The following ADGRD1 variants were observed in gnomAD, a reference collection of about 807,000 sequenced individuals.
ADGRD1 encodes the protein G-protein coupled receptor 133.
ADGRD1 carries 77 observed loss-of-function variants against 113.4 expected under a neutral mutation model. The observed-to-expected ratio is 0.68, with a 90% CI of 0.57 to 0.82. ADGRD1 has a LOEUF of 0.82. Ranked by LOEUF, ADGRD1 falls within the 40% of genes least tolerant of loss-of-function variation. The pLI is 0.00. For synonymous variants in ADGRD1, 474 were observed against 475.0 expected (o/e 1.00, Z 0.03); for missense variants, 1,036 against 1,139.1 (o/e 0.91, Z 1.30).
At chr12:130,993,069 CA>C (rs1225918423) in intron 8 of ADGRD1, among the ~76,000 whole-genome samples, 1 of 152,162 alleles carries the variant, frequency 6.6e-6, no homozygotes, top group African/African-American at 2.4e-5. Flanking sequence ...CTTTGATCTG[CA>C]GTTACTCTGT....
intron 13 of ADGRD1, among the ~76,000 whole-genome samples, chr12:131,021,216 T>A (rs1879275090): frequency 2.0e-5 from 3 of 152,198 alleles, no homozygotes. Context: ...GACACTGATA[T>A]TAACGACAGA....
intron 14 of ADGRD1, among the ~76,000 whole-genome samples, chr12:131,081,010 C>T (rs1886030707): frequency 6.6e-6 from 1 of 152,124 alleles, no homozygotes; most frequent in Non-Finnish European, 1.5e-5. Context: ...GGAAGATTAG[C>T]CCTTTTATCA....
At chr12:131,021,481 G>A (rs1439716001) in intron 13 of ADGRD1, among the ~76,000 whole-genome samples, 1 of 152,186 alleles carries the variant, frequency 6.6e-6, no homozygotes, top group African/African-American at 2.4e-5. Flanking sequence ...AAGAACGCCA[G>A]GGAAGTGAAA....
At chr12:131,070,062 C>T (rs2137128536) in intron 13 of ADGRD1, 1 of 152,334 alleles carries the variant, frequency 6.6e-6, no homozygotes, top group South Asian at 2.1e-4. Flanking sequence ...AAAGGCCTGT[C>T]CGTGTGCAGG....
At position 130,954,139 on chromosome 12, in the gene ADGRD1, C is replaced by T. The variant is rs535194740; in HGVS notation, c.-327C>T. ...GGACAAACAGCCTCCCGTCCCCGGG[C>T]GCAGGTCGCGGTCACAGTGGTGACC... On this transcript the variant is annotated 5_prime_UTR_variant, in exon 1 of 25. Coordinates refer to ENST00000261654, the MANE Select transcript of ADGRD1 (RefSeq NM_198827.5). The surrounding 1 kb of genome is among the most constrained non-coding windows in gnomAD (Gnocchi z 4.7). 9.6e-6 allele frequency: 3 copies of T among 313,726 alleles called. No individual in the cohort carries two copies. Among genetic ancestry groups the T allele is most frequent in the East Asian group, 1.1e-4 (2 of 18,870 alleles). 19.4% of individuals were successfully genotyped at this position (313,726 alleles called of 1,614,324 possible).
chr12:131,002,566 C>T, intron 9 of ADGRD1: 1 of 1,035,452 alleles, frequency 9.7e-7, no homozygotes, highest in Non-Finnish European at 1.2e-6. Context: ...TTAAGAGAGG[C>T]CTCTCCCCTG....
At chr12:131,086,681 G>A (rs912289187) in intron 15 of ADGRD1, among the ~76,000 whole-genome samples, 1 of 152,208 alleles carries the variant, frequency 6.6e-6, no homozygotes, top group African/African-American at 2.4e-5. Flanking sequence ...AAAGACGCAC[G>A]TGGCACCTGC....
intron 4 of ADGRD1, among the ~76,000 whole-genome samples, chr12:130,974,633 C>G (rs1872090747): frequency 6.6e-6 from 1 of 151,952 alleles, no homozygotes; most frequent in Admixed American, 6.5e-5. Context: ...CTCTCCAGCC[C>G]CTGCCTAACA....
chr12:131,090,829 C>T (rs1886858770), intron 15 of ADGRD1, among the ~76,000 whole-genome samples: 2 of 152,192 alleles, frequency 1.3e-5, no homozygotes, highest in Non-Finnish European at 2.9e-5. Context: ...AATCTGTGGG[C>T]AAAGGGCACA....
chr12:131,066,407 G>A (rs1884723146), intron 13 of ADGRD1, among the ~76,000 whole-genome samples: 2 of 152,194 alleles, frequency 1.3e-5, no homozygotes, highest in South Asian at 4.1e-4. Flanking sequence ...CTTCCAGGCT[G>A]TGGGGCGGTG....
intron 13 of ADGRD1, among the ~76,000 whole-genome samples, chr12:131,063,832 T>A (rs1022182467): frequency 6.6e-6 from 1 of 152,242 alleles, no homozygotes; most frequent in Non-Finnish European, 1.5e-5. Flanking sequence ...AAATTCTTGC[T>A]GGGATGACTA....
Position 130,954,074 on chromosome 12 carries a change from A to C in ADGRD1, c.-392A>C. On this transcript the variant is annotated 5_prime_UTR_variant, in exon 1 of 25. Coordinates refer to ENST00000261654, the MANE Select transcript of ADGRD1 (RefSeq NM_198827.5). This position sits in a 1 kb window ranked among gnomAD's most constrained non-coding sequence, Gnocchi z 4.7. Reference sequence around the variant, plus strand: ...AAAAGGGAAGCTCCAAACCTGACTGAGACAAACGGAGGCTCTTGAAATAAA... The same window carrying C: ...AAAAGGGAAGCTCCAAACCTGACTGCGACAAACGGAGGCTCTTGAAATAAA... 5.7e-6 allele frequency: 1 copy of C among 175,620 alleles called. No homozygotes were observed. Among genetic ancestry groups the C allele is most frequent in the African/African-American group, 2.3e-5 (1 of 42,584 alleles). The allele number at this position is 175,620 out of a possible 1,614,324, so 10.9% of individuals were successfully genotyped here. A position where few individuals can be genotyped will look rare whatever the true frequency, so the allele number is the denominator to read the frequency against.
At chr12:131,108,065 G>C (rs1461172432) in intron 17 of ADGRD1, among the ~76,000 whole-genome samples, 1 of 152,148 alleles carries the variant, frequency 6.6e-6, no homozygotes, top group African/African-American at 2.4e-5. Context: ...AACTCTCTCC[G>C]TCCTGGGCAC....
chr12:130,992,269 C>T lies in ADGRD1; in HGVS notation c.843C>T (p.Thr281=). 3 of 1,613,628 alleles carry T rather than the reference C, an allele frequency of 1.9e-6. No individual in the cohort carries two copies. The highest frequency in any genetic ancestry group is 2.2e-5 in the South Asian group (2 of 90,984). ...MPTDAYHPII[T]NLTEERKTFQ... is the part of the protein sequence containing the mutation. ...CAGATGCCTACCATCCCATCATAACCAACCTGACAGAAGAGAGAAAAACCT... is the reference window on the plus strand; with the variant it reads ...CAGATGCCTACCATCCCATCATAACTAACCTGACAGAAGAGAGAAAAACCT... The change falls in exon 8 of 25, where the codon ACC becomes ACT. Residue 281 remains threonine, a synonymous_variant. Transcript: ENST00000261654.
At chr12:131,128,255 G>T (rs1388919666) in intron 20 of ADGRD1, among the ~76,000 whole-genome samples, 1 of 151,242 alleles carries the variant, frequency 6.6e-6, no homozygotes, top group South Asian at 2.1e-4. Flanking sequence ...CTCAGGTGGG[G>T]TGTTGGTTGG....
In ADGRD1 at chr12:130,966,314, G is replaced by T. The variant is rs1277667693; in HGVS notation, c.104-149G>T. The T allele has an allele frequency of 5.2e-6, 3 of 574,172 alleles. No homozygotes were observed. The highest frequency in any genetic ancestry group is 2.9e-5 in the East Asian group (1 of 34,766). The allele number at this position is 574,172 out of a possible 1,614,324, so 35.6% of individuals were successfully genotyped here. ...TTTCTTTTTCTAACCAAGAGTGTGT[G>T]TTGAATTTTATTAAATATGCTTTCA... On this transcript the variant is annotated intron_variant, in intron 2 of 24. Coordinates refer to ENST00000261654, the MANE Select transcript of ADGRD1 (RefSeq NM_198827.5). The surrounding 1 kb of genome is among the most constrained non-coding windows in gnomAD (Gnocchi z 4.6).
At chr12:130,968,419 T>G (rs1414106140) in intron 3 of ADGRD1, 1 of 153,668 alleles carries the variant, frequency 6.5e-6, no homozygotes, top group Non-Finnish European at 1.4e-5. Context: ...TACAGCCTTC[T>G]TAAGGGAGAA....
At chr12:131,111,060 A>C (rs1593233187) in intron 18 of ADGRD1, among the ~76,000 whole-genome samples, 1 of 146,986 alleles carries the variant, frequency 6.8e-6, no homozygotes, top group Non-Finnish European at 1.5e-5. Flanking sequence ...CAGCATTTTA[A>C]CTCTGATGTG....
chr12:130,983,370 G>C (rs553710469), intron 5 of ADGRD1, among the ~76,000 whole-genome samples: 3 of 152,216 alleles, frequency 2.0e-5, no homozygotes, highest in East Asian at 3.9e-4. Context: ...GATCCCTAAG[G>C]TCAGAAATAA....
Sources: gnomAD v4.1 joint callset for allele counts (sites outside exome capture counted in the v4.1 genomes callset) on GRCh38, gnomAD v4.1.1 for gene constraint, Gnocchi (gnomAD v3.1) non-coding constraint, MANE v1.5 for transcripts, NCBI Gene and HGNC (gene_info 2026-07-23, HGNC 2026-07-21) for gene names.